The following ZNF521 variants were observed in gnomAD, a reference collection of about 807,000 sequenced individuals.
The protein encoded by ZNF521 is zinc finger protein 521, also known as LYST-interacting protein 3.
A neutral mutation model predicts 105.5 loss-of-function variants in ZNF521; 14 were observed. The observed-to-expected ratio is 0.13, with a 90% CI of 0.09 to 0.21. The LOEUF (loss-of-function observed/expected upper bound fraction) is 0.21, where lower values mean the gene tolerates loss of function less well. Ranked by LOEUF, ZNF521 falls within the 10% of genes least tolerant of loss-of-function variation. The pLI is 1.00. For synonymous variants in ZNF521, 635 were observed against 606.0 expected (o/e 1.05, Z -0.70); for missense variants, 1,233 against 1,629.7 (o/e 0.76, Z 4.19).
chr18:25,267,560 G>A (rs1376925637), intron 3 of ZNF521, among the ~76,000 whole-genome samples: 1 of 152,128 alleles, frequency 6.6e-6, no homozygotes, highest in African/African-American at 2.4e-5. Context: ...GACCCTCTGG[G>A]ACGAAGCTTC....
At chr18:25,095,326 C>G (rs780280188) in intron 5 of ZNF521, among the ~76,000 whole-genome samples, 2 of 152,064 alleles carry the variant, frequency 1.3e-5, no homozygotes, top group African/African-American at 4.8e-5. Flanking sequence ...AAAATTCAAT[C>G]AAAATAACCA....
intron 5 of ZNF521, among the ~76,000 whole-genome samples, chr18:25,122,200 A>G (rs542285530): frequency 6.6e-6 from 1 of 152,314 alleles, no homozygotes; most frequent in South Asian, 2.1e-4. Context: ...AGAAGAAAAG[A>G]TTAGCAAATT....
intron 3 of ZNF521, among the ~76,000 whole-genome samples, chr18:25,258,290 G>T (rs1908661764): frequency 6.6e-6 from 1 of 152,136 alleles, no homozygotes; most frequent in Non-Finnish European, 1.5e-5. Flanking sequence ...CAGCAAGACA[G>T]CATTCTTAGA....
Position 25,135,759 on chromosome 18 carries a change from T to C in ZNF521, c.3659-43678A>G, listed in dbSNP as rs528750699. Among the ~76,000 whole-genome samples the C allele has an allele frequency of 2.0e-5, 3 of 152,264 alleles. No homozygotes were observed. In the South Asian group the frequency reaches 6.2e-4, roughly 32 times the overall value. ...CCAGGAAAGGTGTAGGGAAATTACATTTCCTGTTTCTTAGGAGAGTTATTA... is the reference window on the plus strand; with the variant it reads ...CCAGGAAAGGTGTAGGGAAATTACACTTCCTGTTTCTTAGGAGAGTTATTA... On this transcript the variant is annotated intron_variant, in intron 5 of 7. Coordinates refer to ENST00000361524, the MANE Select transcript of ZNF521 (RefSeq NM_015461.3).
chr18:25,292,366 T>C (rs1379832523), intron 3 of ZNF521, among the ~76,000 whole-genome samples: 1 of 152,208 alleles, frequency 6.6e-6, no homozygotes, highest in African/African-American at 2.4e-5. Flanking sequence ...TCACTGCACT[T>C]ACATTTCACA....
At position 25,127,766 on chromosome 18, in the gene ZNF521, C is replaced by T. The variant is rs193141095; in HGVS notation, c.3659-35685G>A. The stretch of plus-strand genomic sequence containing the variant: ...AGTCATGTTTGTGAGTTTAAGAGTA[C>T]ATGTATTAAAGAAAAATAAATTAAA... On this transcript the variant is annotated intron_variant, in intron 5 of 7. Transcript: ENST00000361524. Among the ~76,000 whole-genome samples the T allele has an allele frequency of 1.8e-3, 274 of 151,754 alleles. 1 individual carries two copies. The highest frequency in any genetic ancestry group is 5.1e-3 in the Admixed American group (78 of 15,206).
At chr18:25,347,828 G>A (rs1438455339) in intron 2 of ZNF521, among the ~76,000 whole-genome samples, 2 of 152,166 alleles carry the variant, frequency 1.3e-5, no homozygotes, top group Admixed American at 6.5e-5. Context: ...TGACTTTCCT[G>A]AGATACAAGT....
chr18:25,219,777 A>C (rs1230142420), intron 4 of ZNF521, among the ~76,000 whole-genome samples: 1 of 152,196 alleles, frequency 6.6e-6, no homozygotes, highest in Non-Finnish European at 1.5e-5. Context: ...TGATTGGACC[A>C]CTGTACTCCA....
chr18:25,254,808 C>T (rs1908365221), intron 3 of ZNF521, among the ~76,000 whole-genome samples: 1 of 152,086 alleles, frequency 6.6e-6, no homozygotes, highest in South Asian at 2.1e-4. Flanking sequence ...CCCCAGATTT[C>T]TTCTCCACCC....
intron 3 of ZNF521, among the ~76,000 whole-genome samples, chr18:25,308,644 T>C (rs1411813587): frequency 1.7e-5 from 2 of 114,364 alleles, no homozygotes; most frequent in African/African-American, 4.5e-5. Context: ...TTGGCCTTAA[T>C]GACATCCCCC....
At chr18:25,284,986 A>G (rs1176370329) in intron 3 of ZNF521, among the ~76,000 whole-genome samples, 1 of 151,994 alleles carries the variant, frequency 6.6e-6, no homozygotes, top group East Asian at 1.9e-4. Flanking sequence ...AAATTTCATT[A>G]AAAAGAGCCC....
At chr18:25,095,831 T>C (rs1030622186) in intron 5 of ZNF521, among the ~76,000 whole-genome samples, 1 of 152,178 alleles carries the variant, frequency 6.6e-6, no homozygotes, top group Non-Finnish European at 1.5e-5. Context: ...GAATGCAATT[T>C]AGCTATATGA....
At chr18:25,159,599 C>T (rs1337299877) in intron 5 of ZNF521, among the ~76,000 whole-genome samples, 1 of 152,112 alleles carries the variant, frequency 6.6e-6, no homozygotes, top group Non-Finnish European at 1.5e-5. Context: ...AGTCCTCCAG[C>T]TAGGTACTGA....
intron 5 of ZNF521, among the ~76,000 whole-genome samples, chr18:25,174,333 G>T (rs1328382190): frequency 6.6e-6 from 1 of 152,076 alleles, no homozygotes; most frequent in East Asian, 1.9e-4. Flanking sequence ...GTCAGGTGGT[G>T]ATGGTGAAGC....
intron 5 of ZNF521, among the ~76,000 whole-genome samples, chr18:25,192,106 G>A (rs1437149436): frequency 6.6e-6 from 1 of 152,060 alleles, no homozygotes; most frequent in East Asian, 1.9e-4. Context: ...CTCTTTTTGC[G>A]TGTGTGTAAA....
At chr18:25,094,574 G>A (rs143483861) in intron 5 of ZNF521, among the ~76,000 whole-genome samples, 68 of 151,188 alleles carry the variant, frequency 4.5e-4, no homozygotes, top group African/African-American at 1.5e-3. Flanking sequence ...TTAAAAGCAC[G>A]TTATAATGTT....
intron 5 of ZNF521, among the ~76,000 whole-genome samples, chr18:25,183,233 C>T (rs539176098): frequency 2.3e-3 from 348 of 152,170 alleles, no homozygotes; most frequent in Non-Finnish European, 3.8e-3. Context: ...CCCCTCATCT[C>T]TCTTTCTTCC....
At chr18:25,082,870 T>A (rs1453371645) in intron 7 of ZNF521, among the ~76,000 whole-genome samples, 4 of 124,910 alleles carry the variant, frequency 3.2e-5, no homozygotes, top group Non-Finnish European at 5.1e-5. Flanking sequence ...AAAAAAAAAA[T>A]TAAGCTCTGT....
chr18:25,196,181 T>C (rs555250994), intron 4 of ZNF521, among the ~76,000 whole-genome samples: 2 of 151,888 alleles, frequency 1.3e-5, no homozygotes, highest in Admixed American at 6.6e-5. Flanking sequence ...TTAAAAACCA[T>C]GTTGGAAGAC....
Sources: gnomAD v4.1 joint callset for allele counts (sites outside exome capture counted in the v4.1 genomes callset) on GRCh38, gnomAD v4.1.1 for gene constraint, MANE v1.5 for transcripts, NCBI Gene and HGNC (gene_info 2026-07-23, HGNC 2026-07-21) for gene names.